The following NDUFS4 variants were observed in gnomAD, a reference collection of about 807,000 sequenced individuals.
NDUFS4 encodes the protein NADH:ubiquinone oxidoreductase subunit S4, also known as NADH dehydrogenase [ubiquinone] iron-sulfur protein 4, mitochondrial.
In NDUFS4, 28 loss-of-function variants were observed where a neutral mutation model predicts 24.3. That is an observed-to-expected ratio of 1.15 (90% CI 0.85 to 1.58). The LOEUF is 1.58. NDUFS4 is among the 40% of genes most tolerant of loss of function. The probability of loss-of-function intolerance (pLI) is 0.00; values close to 1 mark genes in which losing one functional copy is unlikely to be tolerated. For synonymous variants in NDUFS4, 93 were observed against 69.7 expected (o/e 1.34, Z -1.67); for missense variants, 223 against 207.9 (o/e 1.07, Z -0.45).
intron 1 of NDUFS4, among the ~76,000 whole-genome samples, chr5:53,576,482 A>G (rs1414341237): frequency 6.6e-6 from 1 of 152,144 alleles, no homozygotes. Context: ...CATGTGGTAG[A>G]TACTATAACT....
intron 1 of NDUFS4, among the ~76,000 whole-genome samples, chr5:53,586,796 T>G (rs1749772309): frequency 6.6e-6 from 1 of 152,096 alleles, no homozygotes; most frequent in Admixed American, 6.5e-5. Flanking sequence ...GTGCTGGAAT[T>G]ACAGGCGTGA....
intron 2 of NDUFS4, among the ~76,000 whole-genome samples, chr5:53,642,058 C>A (rs978413143): frequency 6.6e-6 from 1 of 152,056 alleles, no homozygotes; most frequent in Admixed American, 6.6e-5. Context: ...CTTTTCTGGG[C>A]GTACTGAGAG....
At chr5:53,573,443 A>G (rs1020117659) in intron 1 of NDUFS4, among the ~76,000 whole-genome samples, 2 of 152,140 alleles carry the variant, frequency 1.3e-5, no homozygotes, top group Admixed American at 1.3e-4. Context: ...CAATCCATAA[A>G]CATGGTATGT....
At chr5:53,599,937 T>C (rs573125552) in intron 1 of NDUFS4, among the ~76,000 whole-genome samples, 56 of 152,222 alleles carry the variant, frequency 3.7e-4, no homozygotes, top group Admixed American at 7.8e-4. Context: ...GTATAATTCA[T>C]GTGTAGTCTA....
At chr5:53,580,580 T>G (rs1409514063) in intron 1 of NDUFS4, among the ~76,000 whole-genome samples, 2 of 152,210 alleles carry the variant, frequency 1.3e-5, no homozygotes, top group Non-Finnish European at 2.9e-5. Context: ...TGCACAGGCG[T>G]CTCAAATCCA....
chr5:53,570,548 T>C (rs1314737725), intron 1 of NDUFS4, among the ~76,000 whole-genome samples: 1 of 152,188 alleles, frequency 6.6e-6, no homozygotes, highest in Admixed American at 6.5e-5. Context: ...GGGTCATAGC[T>C]AAGTGTATGT....
intron 3 of NDUFS4, among the ~76,000 whole-genome samples, chr5:53,651,271 A>G (rs1032474987): frequency 2.0e-5 from 3 of 152,016 alleles, no homozygotes; most frequent in African/African-American, 7.2e-5. Flanking sequence ...TTAATGACAC[A>G]AAAATAGTAT....
chr5:53,663,958 C>T (rs1046976134), intron 4 of NDUFS4, among the ~76,000 whole-genome samples: 14 of 150,706 alleles, frequency 9.3e-5, no homozygotes, highest in Non-Finnish European at 7.4e-5. Context: ...CATGTGTTTG[C>T]AGTGGCTGGT....
intron 4 of NDUFS4, among the ~76,000 whole-genome samples, chr5:53,673,401 A>G (rs757643537): frequency 6.6e-6 from 1 of 152,146 alleles, no homozygotes; most frequent in Non-Finnish European, 1.5e-5. Flanking sequence ...GTTTTATTTT[A>G]CATTTAGGAT....
At chr5:53,661,908 G>T (rs1315429078) in intron 4 of NDUFS4, among the ~76,000 whole-genome samples, 1 of 151,998 alleles carries the variant, frequency 6.6e-6, no homozygotes, top group African/African-American at 2.4e-5. Context: ...TGAGACGATG[G>T]GGTTTTCTAG....
intron 1 of NDUFS4, chr5:53,573,720 C>A: frequency 3.0e-6 from 1 of 329,240 alleles, no homozygotes; most frequent in Non-Finnish European, 5.9e-6. Flanking sequence ...TCCCAGGCAG[C>A]TGCGACTATA....
chr5:53,594,805 C>T (rs1750080922), intron 1 of NDUFS4, among the ~76,000 whole-genome samples: 1 of 151,940 alleles, frequency 6.6e-6, no homozygotes, highest in African/African-American at 2.4e-5. Context: ...CTCTTTTATA[C>T]ATTATCTCAG....
chr5:53,638,935 A>G (rs758996002), intron 2 of NDUFS4, among the ~76,000 whole-genome samples: 2 of 152,050 alleles, frequency 1.3e-5, no homozygotes, highest in Non-Finnish European at 2.9e-5. Flanking sequence ...GCCATCTTTG[A>G]CCACATGAGA....
intron 3 of NDUFS4, among the ~76,000 whole-genome samples, chr5:53,647,844 A>G (rs531480145): frequency 6.6e-6 from 1 of 152,294 alleles, no homozygotes; most frequent in African/African-American, 2.4e-5. Context: ...TTTAGAAAAC[A>G]TCTGTCATGT....
chr5:53,675,463 A>G (rs1740436456), intron 4 of NDUFS4, among the ~76,000 whole-genome samples: 1 of 152,122 alleles, frequency 6.6e-6, no homozygotes, highest in African/African-American at 2.4e-5. Context: ...CGCCAGGCCC[A>G]GAGTTCCCTA....
chr5:53,629,890 A>G (rs1284202754), intron 2 of NDUFS4, among the ~76,000 whole-genome samples: 1 of 152,106 alleles, frequency 6.6e-6, no homozygotes, highest in Non-Finnish European at 1.5e-5. Flanking sequence ...TAAGGTTAAT[A>G]TTGTTATGTG....
Position 53,671,896 on chromosome 5 carries a change from CATT to C in NDUFS4, c.425-11221_425-11219del, listed in dbSNP as rs142341799. Among the ~76,000 whole-genome samples the C allele has an allele frequency of 2.6e-4, 40 of 152,168 alleles. No individual in the cohort carries two copies. In the East Asian group the frequency reaches 5.0e-3, roughly 19 times the overall value. On this transcript the variant is annotated intron_variant, in intron 4 of 4. Transcript: ENST00000296684. ...GTCATTTTACCCCCTGTGTTTTTCT[CATT>C]GTTGTTAGCTATAAAAACTCTTTGA...
intron 2 of NDUFS4, among the ~76,000 whole-genome samples, chr5:53,608,819 C>A (rs977938071): frequency 1.3e-5 from 2 of 152,110 alleles, no homozygotes; most frequent in Admixed American, 1.3e-4. Flanking sequence ...TCAGGACATG[C>A]CATGTCAAAA....
chr5:53,565,549 C>T (rs1052691073), intron 1 of NDUFS4, among the ~76,000 whole-genome samples: 1 of 152,158 alleles, frequency 6.6e-6, no homozygotes, highest in African/African-American at 2.4e-5. Context: ...TGAGGAAAAG[C>T]AGGGAGCATT....
Sources: allele counts gnomAD v4.1 joint callset (sites outside exome capture counted in the v4.1 genomes callset), GRCh38; gene constraint gnomAD v4.1.1; transcripts MANE v1.5; gene names NCBI Gene and HGNC (gene_info 2026-07-23, HGNC 2026-07-21).